CALN1: variants seen among roughly 807,000 people sequenced by gnomAD.
CALN1 encodes calcium-binding protein 8.
Under a neutral mutation model 30.6 loss-of-function variants are expected in CALN1, and 17 were observed. The observed-to-expected ratio is 0.56, with a 90% CI of 0.38 to 0.83. The LOEUF (loss-of-function observed/expected upper bound fraction) is 0.83, where lower values mean the gene tolerates loss of function less well. Ranked by LOEUF, CALN1 falls within the 40% of genes least tolerant of loss-of-function variation. The pLI is 0.00. For synonymous variants in CALN1, 156 were observed against 131.4 expected, an observed-to-expected ratio of 1.19 and a Z score of -1.28; for missense variants, 291 against 354.9, an observed-to-expected ratio of 0.82 and a Z score of 1.45.
At chr7:72,396,832 G>C (rs756759378) in intron 2 of CALN1, among the ~76,000 whole-genome samples, 1 of 152,206 alleles carries the variant, frequency 6.6e-6, no homozygotes, top group Non-Finnish European at 1.5e-5. Context: ...GAACTTCGTT[G>C]AGGTTGAAGG....
At chr7:72,351,362 C>A (rs1802908291) in intron 2 of CALN1, among the ~76,000 whole-genome samples, 2 of 151,956 alleles carry the variant, frequency 1.3e-5, no homozygotes, top group Admixed American at 1.3e-4. Context: ...AGCCATCAGG[C>A]TGAAGTAAAT....
At chr7:71,862,722 T>C (rs1193399629) in intron 5 of CALN1, among the ~76,000 whole-genome samples, 1 of 152,240 alleles carries the variant, frequency 6.6e-6, no homozygotes, top group African/African-American at 2.4e-5. Flanking sequence ...TTTAGATACA[T>C]TATCCTGACC....
rs969728600 is a variant in CALN1, at chr7:72,305,199, G to A, written c.120-26389C>T. Among the ~76,000 whole-genome samples, 9 of 152,166 alleles carry A rather than the reference G, an allele frequency of 5.9e-5. No homozygotes were observed. In the South Asian group the frequency reaches 8.3e-4, roughly 14 times the overall value. ...TTGGGACTGGCCCCCAGAGAACTGC[G>A]GAGGATTGCAAACCTTCAGGTAATT... On this transcript the variant is annotated intron_variant, in intron 2 of 6. Transcript: ENST00000395275.
At chr7:72,420,655 G>A (rs996596309) in intron 1 of CALN1, among the ~76,000 whole-genome samples, 8 of 137,810 alleles carry the variant, frequency 5.8e-5, no homozygotes, top group East Asian at 2.1e-4. Context: ...ACGGAGCCTC[G>A]CTCTGTCGCC....
chr7:71,936,554 C>T (rs540009463), intron 5 of CALN1, among the ~76,000 whole-genome samples: 14 of 152,164 alleles, frequency 9.2e-5, no homozygotes, highest in Admixed American at 9.2e-4. Context: ...AGCTCTAGGG[C>T]GTGAAGATTC....
At chr7:71,859,785 C>CA (rs1245827898) in intron 5 of CALN1, among the ~76,000 whole-genome samples, 2 of 152,160 alleles carry the variant, frequency 1.3e-5, no homozygotes, top group Non-Finnish European at 2.9e-5. Flanking sequence ...GACACGGTGT[C>CA]AGAGGCGTGG....
rs181544556 is a variant in CALN1 at position 72,027,047 on chromosome 7, T to C, written c.389-3278A>G. Among the ~76,000 whole-genome samples the C allele has an allele frequency of 2.9e-4, 44 of 152,268 alleles. No homozygotes were observed. In the East Asian group the frequency reaches 3.9e-3, roughly 13 times the overall value. On this transcript the variant is annotated intron_variant, in intron 4 of 6. Transcript: ENST00000395275. Reference sequence around the variant, plus strand: ...TCAAGAGTGACAGTATCACCCACAATGGGGTGAAAATGGCTTCTTAGGGAA... The same window carrying C: ...TCAAGAGTGACAGTATCACCCACAACGGGGTGAAAATGGCTTCTTAGGGAA...
At chr7:72,075,571 A>G (rs560682466) in intron 4 of CALN1, among the ~76,000 whole-genome samples, 1 of 152,110 alleles carries the variant, frequency 6.6e-6, no homozygotes, top group East Asian at 1.9e-4. Context: ...AGTGCTCAGT[A>G]AACACTTTGT....
intron 5 of CALN1, among the ~76,000 whole-genome samples, chr7:71,900,140 C>A (rs1793769268): frequency 6.6e-6 from 1 of 152,076 alleles, no homozygotes; most frequent in Non-Finnish European, 1.5e-5. Context: ...TTGTGACAGA[C>A]AAATTTTTAA....
At chr7:72,261,835 TA>T (rs1796292418) in intron 3 of CALN1, among the ~76,000 whole-genome samples, 1 of 152,028 alleles carries the variant, frequency 6.6e-6, no homozygotes, top group South Asian at 2.1e-4. Context: ...AGTTGATGAG[TA>T]GAGTTTGGAA....
intron 3 of CALN1, among the ~76,000 whole-genome samples, chr7:72,113,462 T>C (rs1389445592): frequency 2.0e-5 from 3 of 152,196 alleles, no homozygotes; most frequent in Admixed American, 6.5e-5. Flanking sequence ...ATATTTTCTA[T>C]ATAAATTATC....
intron 3 of CALN1, among the ~76,000 whole-genome samples, chr7:72,205,883 T>C (rs1170519420): frequency 1.3e-5 from 2 of 152,036 alleles, no homozygotes; most frequent in Non-Finnish European, 2.9e-5. Context: ...CCAACAATTA[T>C]CTTCCCAAAT....
the CALN1 span, among the ~76,000 whole-genome samples, chr7:72,474,425 C>T: frequency 1.3e-5 from 2 of 152,118 alleles, no homozygotes; most frequent in African/African-American, 2.4e-5. Context: ...GAGGCTCACA[C>T]CTGTAATCCC....
upstream of CALN1, among the ~76,000 whole-genome samples, chr7:72,413,253 CACAT>C (rs1562959770): frequency 1.3e-5 from 2 of 151,718 alleles, no homozygotes; most frequent in African/African-American, 4.8e-5. Flanking sequence ...CACACATACA[CACAT>C]ATACATTCAC....
intron 2 of CALN1, among the ~76,000 whole-genome samples, chr7:72,383,266 T>C (rs950453793): frequency 2.6e-5 from 4 of 152,208 alleles, no homozygotes; most frequent in African/African-American, 9.6e-5. Flanking sequence ...TATTTTCCCT[T>C]GGGTCTATAT....
At chr7:72,030,093 TAGGACATCC>T (rs1393190043) in intron 4 of CALN1, among the ~76,000 whole-genome samples, 1 of 152,232 alleles carries the variant, frequency 6.6e-6, no homozygotes, top group Non-Finnish European at 1.5e-5. Flanking sequence ...AATTTAATTG[TAGGACATCC>T]AGTCCAGTGT....
At chr7:71,918,830 C>T (rs190364683) in intron 5 of CALN1, among the ~76,000 whole-genome samples, 1 of 152,276 alleles carries the variant, frequency 6.6e-6, no homozygotes, top group Non-Finnish European at 1.5e-5. Flanking sequence ...TCAAGTCTTC[C>T]TTCCTTTGTG....
intron 5 of CALN1, among the ~76,000 whole-genome samples, chr7:71,999,820 T>C (rs1249667658): frequency 6.6e-6 from 1 of 151,810 alleles, no homozygotes; most frequent in African/African-American, 2.4e-5. Context: ...GCCATATGCA[T>C]TTTTTTTAAA....
Position 72,233,767 on chromosome 7 carries a change from G to A in CALN1, c.244+44919C>T, listed in dbSNP as rs1475090723. 1.3e-4 allele frequency among the ~76,000 whole-genome samples: 20 copies of A among 152,072 alleles called. 1 individual carries two copies. Among genetic ancestry groups the A allele is most frequent in the Non-Finnish European group, 1.5e-5 (1 of 68,010 alleles). On this transcript the variant is annotated intron_variant, in intron 3 of 6. Transcript: ENST00000395275. ...ATCTGTAATCCCAACACTTTGAAAG[G>A]TCGAGGCAGGCGGATAATCTGAGGT... is the stretch of plus-strand genomic sequence containing the variant.
Sources: gnomAD v4.1 joint callset for allele counts (sites outside exome capture counted in the v4.1 genomes callset) on GRCh38, gnomAD v4.1.1 for gene constraint, MANE v1.5 for transcripts, NCBI Gene and HGNC (gene_info 2026-07-23, HGNC 2026-07-21) for gene names.